The following NF1 variants were observed in gnomAD, a reference collection of about 807,000 sequenced individuals.
The protein encoded by NF1 is neurofibromin.
Under a neutral mutation model 325.7 loss-of-function variants are expected in NF1, and 122 were observed. The ratio of observed to expected loss-of-function variants is 0.37; its 90% CI spans 0.32 to 0.44. The LOEUF is 0.44. Ranked by LOEUF, NF1 falls within the 20% of genes least tolerant of loss-of-function variation. The pLI, the probability that NF1 is intolerant of heterozygous loss-of-function variation, is 1.00. For missense variants in NF1, 2,140 were observed against 3,415.4 expected, an observed-to-expected ratio of 0.63 and a Z score of 9.31; for synonymous variants, 1,091 against 1,186.0, an observed-to-expected ratio of 0.92 and a Z score of 1.65.
chr17:31,243,406 A>G (rs1390253975), intron 29 of NF1, among the ~76,000 whole-genome samples: 1 of 151,434 alleles, frequency 6.6e-6, no homozygotes, highest in Non-Finnish European at 1.5e-5. Flanking sequence ...TCAGGCAGTG[A>G]GTTCTCCGTG....
At chr17:31,143,626 A>C (rs1916385239) in intron 1 of NF1, among the ~76,000 whole-genome samples, 1 of 152,082 alleles carries the variant, frequency 6.6e-6, no homozygotes, top group African/African-American at 2.4e-5. Flanking sequence ...TTGATGTGGC[A>C]TAATTGTATT....
At chr17:31,233,875 G>T (rs996761392) in intron 27 of NF1, among the ~76,000 whole-genome samples, 6 of 152,086 alleles carry the variant, frequency 3.9e-5, no homozygotes, top group Non-Finnish European at 5.9e-5. Context: ...GCCTGTATTT[G>T]TTATACCTGT....
intron 2 of NF1, among the ~76,000 whole-genome samples, chr17:31,158,787 A>G (rs1176582941): frequency 6.6e-6 from 1 of 152,164 alleles, no homozygotes; most frequent in African/African-American, 2.4e-5. Flanking sequence ...TACTGTTACA[A>G]GGTTAATGGC....
At position 31,163,271 on chromosome 17, in the gene NF1, G is replaced by T. The variant is rs149003051; in HGVS notation, c.374G>T (p.Arg125Leu). 1 of 1,614,130 alleles carries T rather than the reference G, an allele frequency of 6.2e-7. No individual in the cohort carries two copies. Among genetic ancestry groups the T allele is most frequent in the Non-Finnish European group, 8.5e-7 (1 of 1,180,016 alleles). Residue 125 changes from arginine (R) to leucine (L), a missense_variant, in exon 4 of 58, where the codon CGT becomes CTT. This residue lies in a region of NF1 where 246 missense variants were observed against 347.8 expected (regional missense o/e 0.71). Coordinates refer to ENST00000358273, the MANE Select transcript of NF1 (RefSeq NM_001042492.3). ...ATCTGCCATTTTCTTCACACCTGTC[G>T]TGAAGGAAACCAGCATGCAGCTGAA... The part of the protein sequence containing the change: ...PEICHFLHTC[R>L]EGNQHAAELR...
chr17:31,237,941 G>A (rs748716769), intron 29 of NF1, among the ~76,000 whole-genome samples: 2 of 152,040 alleles, frequency 1.3e-5, no homozygotes, highest in Non-Finnish European at 2.9e-5. Context: ...CAACACTCCT[G>A]TGTTCACAAC....
intron 39 of NF1, among the ~76,000 whole-genome samples, chr17:31,333,367 T>G (rs1387098177): frequency 2.6e-5 from 4 of 152,212 alleles, no homozygotes; most frequent in African/African-American, 9.7e-5. Context: ...TATCTTGTCA[T>G]CAGTAAAGTG....
chr17:31,324,668 T>C (rs1374963796), intron 36 of NF1, among the ~76,000 whole-genome samples: 1 of 152,148 alleles, frequency 6.6e-6, no homozygotes, highest in East Asian at 1.9e-4. Context: ...TCCAAGTGAT[T>C]CTCGTGCCTC....
intron 1 of NF1, among the ~76,000 whole-genome samples, chr17:31,123,911 T>C (rs1914647839): frequency 1.3e-5 from 2 of 152,142 alleles, no homozygotes; most frequent in South Asian, 4.2e-4. Flanking sequence ...TTTGTCTCTT[T>C]ATATGTTTAT....
intron 36 of NF1, chr17:31,319,026 G>T: frequency 2.5e-6 from 4 of 1,581,266 alleles, no homozygotes; most frequent in Non-Finnish European, 3.4e-6. Flanking sequence ...TTGGCAATCT[G>T]TTGGGATAGC....
intron 57 of NF1, among the ~76,000 whole-genome samples, chr17:31,363,434 CTCTT>C (rs1427648589): frequency 3.7e-5 from 5 of 135,808 alleles, no homozygotes; most frequent in African/African-American, 1.4e-4. Context: ...CCTTATCTCT[CTCTT>C]TTTTTTTTTT....
chr17:31,102,687 A>G (rs1169283403), intron 1 of NF1, among the ~76,000 whole-genome samples: 1 of 150,822 alleles, frequency 6.6e-6, no homozygotes, highest in African/African-American at 2.4e-5. Context: ...GTGAGCCATG[A>G]TTGTGCCACT....
chr17:31,368,363 C>G (rs2070571853), intron 57 of NF1, among the ~76,000 whole-genome samples: 1 of 152,172 alleles, frequency 6.6e-6, no homozygotes, highest in African/African-American at 2.4e-5. Context: ...TGGTCTCGAA[C>G]TCCTGACCTC....
In NF1 at chr17:31,182,907, C is replaced by A. The variant is rs1018121123; in HGVS notation, c.888+242C>A. 3.2e-5 allele frequency: 19 copies of A among 601,352 alleles called. No homozygotes were observed. The South Asian group carries it at 3.7e-4, about 12-fold the overall frequency. The allele number at this position is 601,352 out of a possible 1,614,324, so 37.3% of individuals were successfully genotyped here. A position where few individuals can be genotyped will look rare whatever the true frequency, so the allele number is the denominator to read the frequency against. On this transcript the variant is annotated intron_variant, in intron 8 of 57. Transcript: ENST00000358273. ...TTTAAAATAATCCCTTAGTTTCATT[C>A]TTTTGTCTGAGAAGACTAAACGATA...
chr17:31,261,726 T>C lies in NF1; in HGVS notation c.4593T>C (p.Val1531=), dbSNP rs773315342. The change falls in exon 35 of 58, where the codon GTT becomes GTC. Residue 1531 remains valine, a synonymous_variant. Transcript: ENST00000358273. The part of the protein sequence containing the change: ...YLSSNRDHKA[V]GRRPFDKMAT... ...CTGTATCTAGGGATCATAAAGCTGT[T>C]GGAAGACGACCTTTTGATAAGATGG... 4 of 1,612,062 alleles carry C rather than the reference T, an allele frequency of 2.5e-6. No homozygotes were observed. The Admixed American group carries it at 5.0e-5, about 20-fold the overall frequency.
chr17:31,292,417 T>C (rs2068361139), intron 36 of NF1, among the ~76,000 whole-genome samples: 1 of 152,218 alleles, frequency 6.6e-6, no homozygotes, highest in Non-Finnish European at 1.5e-5. Flanking sequence ...TACTATCTAA[T>C]TATAGTTTCC....
chr17:31,157,459 C>T (rs1203137840), intron 2 of NF1, among the ~76,000 whole-genome samples: 1 of 151,776 alleles, frequency 6.6e-6, no homozygotes, highest in Non-Finnish European at 1.5e-5. Flanking sequence ...TTGCCTTATT[C>T]CCATATTTTA....
At chr17:31,248,403 C>T (rs2067436790) in intron 29 of NF1, among the ~76,000 whole-genome samples, 1 of 152,296 alleles carries the variant, frequency 6.6e-6, no homozygotes, top group African/African-American at 2.4e-5. Flanking sequence ...CTAACATATA[C>T]AGACTTAAAC....
At chr17:31,136,077 C>G (rs111589525) in intron 1 of NF1, among the ~76,000 whole-genome samples, 34 of 152,092 alleles carry the variant, frequency 2.2e-4, no homozygotes, top group Non-Finnish European at 4.0e-4. Context: ...CGCCTGTAAT[C>G]CGAACACTTT....
chr17:31,214,282 A>G (rs979182135), intron 12 of NF1, among the ~76,000 whole-genome samples, 169 bp from the exon 13 acceptor site: 1 of 152,152 alleles, frequency 6.6e-6, no homozygotes. Flanking sequence ...GTTAAGCTTA[A>G]TAATACTGAC....
Sources: gnomAD v4.1 joint callset for allele counts (sites outside exome capture counted in the v4.1 genomes callset) on GRCh38, gnomAD v4.1.1 for gene constraint, gnomAD v4.1.1 regional missense constraint, MANE v1.5 for transcripts, NCBI Gene and HGNC (gene_info 2026-07-23, HGNC 2026-07-21) for gene names.